Variants in F5 observed in about 807,000 individuals in gnomAD.
The protein encoded by F5 is coagulation factor V.
F5 carries 138 observed loss-of-function variants against 216.4 expected under a neutral mutation model. The observed-to-expected ratio is 0.64, with a 90% CI of 0.56 to 0.73. The LOEUF (loss-of-function observed/expected upper bound fraction) is 0.73, where lower values mean the gene tolerates loss of function less well. Among genes scored for constraint, F5 ranks in the 30% least tolerant of loss-of-function variants. F5 has a pLI of 0.00. For missense variants in F5, 2,403 were observed against 2,674.0 expected, an observed-to-expected ratio of 0.90 and a Z score of 2.24; for synonymous variants, 916 against 930.7, an observed-to-expected ratio of 0.98 and a Z score of 0.29.
rs1660452947 is a variant in F5, at chr1:169,560,589, G to A, written c.551C>T (p.Ser184Leu). 3.7e-6 allele frequency: 6 copies of A among 1,613,710 alleles called. No individual in the cohort carries two copies. The highest frequency in any genetic ancestry group is 4.2e-6 in the Non-Finnish European group (5 of 1,179,752). ...GATAAGCAGGGGCCCAATCAGCCCCGAGTTGAAATCCTCGATCAGATTTTC... is the reference window on the plus strand; with the variant it reads ...GATAAGCAGGGGCCCAATCAGCCCCAAGTTGAAATCCTCGATCAGATTTTC... ...SHENLIEDFN[S>L]GLIGPLLICK... The change falls in exon 4 of 25, where the codon TCG becomes TTG. Residue 184 changes from serine (S) to leucine (L), a missense_variant. Transcript: ENST00000367797.
intron 3 of F5, among the ~76,000 whole-genome samples, 161 bp from the exon 4 acceptor site, chr1:169,560,927 A>G (rs1660467848): frequency 6.6e-6 from 1 of 152,156 alleles, no homozygotes; most frequent in Non-Finnish European, 1.5e-5. Context: ...GCCCATTTCT[A>G]TGCTCATGTA....
intron 4 of F5, among the ~76,000 whole-genome samples, chr1:169,559,956 C>T (rs1287114954): frequency 6.6e-6 from 1 of 152,090 alleles, no homozygotes; most frequent in African/African-American, 2.4e-5. Flanking sequence ...CTGTGGCTCA[C>T]TGTGGTTGTT....
At chr1:169,552,117 G>A (rs1660185698) in intron 8 of F5, among the ~76,000 whole-genome samples, 1 of 152,070 alleles carries the variant, frequency 6.6e-6, no homozygotes, top group Admixed American at 6.5e-5. Flanking sequence ...ACTCTCTTTT[G>A]TAGAACTCAT....
Position 169,556,688 on chromosome 1 carries a change from C to T in F5, c.910G>A (p.Gly304Arg), listed in dbSNP as rs747353298. The T allele has an allele frequency of 5.0e-6, 8 of 1,613,846 alleles. No individual in the cohort carries two copies. Among genetic ancestry groups the T allele is most frequent in the Middle Eastern group, 1.6e-4 (1 of 6,084 alleles). ...GTGAGAGAAGATATGATCCACTTTCCCTCTGGGCCCACAGTCATATTTGCG... is the reference window on the plus strand; with the variant it reads ...GTGAGAGAAGATATGATCCACTTTCTCTCTGGGCCCACAGTCATATTTGCG... ...TTANMTVGPE[G>R]KWIISSLTPK... The change falls in exon 6 of 25, where the codon GGA (glycine) becomes AGA (arginine). Residue 304 changes from glycine to arginine, a missense_variant. Gly to Arg is a moderately radical substitution (Grantham distance 125). This residue lies in a region of F5 where 1,425 missense variants were observed against 1,554.8 expected (regional missense o/e 0.92). Transcript: ENST00000367797.
In F5 at chr1:169,540,757, T is replaced by A. The variant is rs200204656; in HGVS notation, c.4333A>T (p.Thr1445Ser). 2.5e-6 allele frequency: 4 copies of A among 1,614,008 alleles called. No individual in the cohort carries two copies. The highest frequency in any genetic ancestry group is 3.4e-6 in the Non-Finnish European group (4 of 1,179,980). The change falls in exon 13 of 25, where the codon ACC (threonine) becomes TCC (serine). Residue 1445 changes from threonine to serine, a missense_variant. By Grantham distance (58) the Thr-to-Ser change is moderately conservative (BLOSUM62 1). This residue lies in a region of F5 where 293 missense variants were observed against 270.8 expected (regional missense o/e 1.08). Coordinates refer to ENST00000367797, the MANE Select transcript of F5 (RefSeq NM_000130.5). The part of the protein sequence containing the change: ...QVTLSPDISD[T>S]TLLPDLSQIS... ...TGGCTGAGATCCGGGAGAAGGGTGGTGTCACTGATGTCTGGAGAGAGAGTC... is the reference window on the plus strand; with the variant it reads ...TGGCTGAGATCCGGGAGAAGGGTGGAGTCACTGATGTCTGGAGAGAGAGTC...
chr1:169,542,375 C>T lies in F5; in HGVS notation c.2715G>A (p.Arg905=), dbSNP rs758346192. The T allele has an allele frequency of 1.3e-5, 21 of 1,614,010 alleles. No homozygotes were observed. In the South Asian group the frequency reaches 2.2e-4, roughly 17 times the overall value. Residue 905 remains arginine (R), a synonymous_variant, in exon 13 of 25, where the codon AGG becomes AGA. Coordinates refer to ENST00000367797, the MANE Select transcript of F5 (RefSeq NM_000130.5). The part of the protein sequence containing the change: ...SQDTGSPSGM[R]PWEDLPSQDT... ...CTTGGCTAGGAAGGTCCTCCCAGGGCCTCATTCCGGAAGGAGAACCAGTGT... is the reference window on the plus strand; with the variant it reads ...CTTGGCTAGGAAGGTCCTCCCAGGGTCTCATTCCGGAAGGAGAACCAGTGT...
At chr1:169,546,979 A>AAAAAAG (rs1553220680) in intron 10 of F5, among the ~76,000 whole-genome samples, 1 of 77,816 alleles carries the variant, frequency 1.3e-5, no homozygotes, top group African/African-American at 5.0e-5. Flanking sequence ...AAAAAAAAAA[A>AAAAAAG]AAAAGAAAAG....
chr1:169,577,587 A>G lies in F5; in HGVS notation c.250+4844T>C, dbSNP rs933878188. Among the ~76,000 whole-genome samples, 5 of 112,914 alleles carry G rather than the reference A, an allele frequency of 4.4e-5. No individual in the cohort carries two copies. The East Asian group carries it at 9.0e-4, about 20-fold the overall frequency. The allele number at this position is 112,914 out of a possible 152,430, so 74.1% of individuals were successfully genotyped here. On this transcript the variant is annotated intron_variant, in intron 2 of 24. Transcript: ENST00000367797. ...TATATATATATATATATATATATAT[A>G]TATATATATATATATATGTATGTAT...
At chr1:169,578,562 C>T (rs574955655) in intron 2 of F5, among the ~76,000 whole-genome samples, 23 of 152,298 alleles carry the variant, frequency 1.5e-4, no homozygotes, top group African/African-American at 5.1e-4. Flanking sequence ...AAAAGGTACA[C>T]CTTCAAATAC....
intron 11 of F5, among the ~76,000 whole-genome samples, chr1:169,545,448 A>C (rs1426272060): frequency 1.3e-5 from 2 of 152,238 alleles, no homozygotes; most frequent in Non-Finnish European, 2.9e-5. Flanking sequence ...TATTCAGGAT[A>C]TACTGAGTTA....
intron 1 of F5, among the ~76,000 whole-genome samples, chr1:169,585,236 C>T (rs916305760): frequency 1.3e-5 from 2 of 151,966 alleles, no homozygotes; most frequent in Non-Finnish European, 2.9e-5. Flanking sequence ...TATGTAATAC[C>T]CTCCAAAATA....
Position 169,560,920 on chromosome 1 carries a change from C to T in F5, c.374-154G>A, listed in dbSNP as rs540805191. Among the ~76,000 whole-genome samples, 3 of 152,212 alleles carry T rather than the reference C, an allele frequency of 2.0e-5. No homozygotes were observed. The East Asian group carries it at 5.8e-4, about 29-fold the overall frequency. ...TTATTTGGAAAGATTCACATATGCC[C>T]ATTTCTATGCTCATGTACTTACAAA... On this transcript the variant is annotated intron_variant, in intron 3 of 24. Coordinates refer to ENST00000367797, the MANE Select transcript of F5 (RefSeq NM_000130.5).
Position 169,542,882 on chromosome 1 carries a change from G to A in F5, c.2208C>T (p.Ile736=), listed in dbSNP as rs6016. 0.27 allele frequency: 434,401 copies of A among 1,613,338 alleles called. 60,137 individuals carry two copies. Among genetic ancestry groups the A allele is most frequent in the Admixed American group, 0.39 (23,495 of 59,982 alleles). ...YQNRLAAALG[I]RSFRNSSLNQ... is the part of the protein sequence containing the mutation. ...TCAATGATGAGTTTCGGAATGACCT[G>A]ATTCCTAATGCTGCAGCCAGTCTGT... The change falls in exon 13 of 25, where the codon ATC becomes ATT. Residue 736 remains isoleucine, a synonymous_variant. Coordinates refer to ENST00000367797, the MANE Select transcript of F5 (RefSeq NM_000130.5).
intron 2 of F5, among the ~76,000 whole-genome samples, chr1:169,581,967 A>G (rs1359422493): frequency 6.6e-6 from 1 of 152,220 alleles, no homozygotes; most frequent in African/African-American, 2.4e-5. Context: ...AAACTAGACC[A>G]TAATCTCCAT....
In F5 at chr1:169,552,661, G is replaced by C. The variant is rs1221031088; in HGVS notation, c.1192C>G (p.Gln398Glu). 1 of 1,612,308 alleles carries C rather than the reference G, an allele frequency of 6.2e-7. No homozygotes were observed. Among genetic ancestry groups the C allele is most frequent in the Non-Finnish European group, 8.5e-7 (1 of 1,178,682 alleles). Residue 398 changes from glutamine to glutamate, a missense_variant, in exon 8 of 25, where the codon CAG (glutamine) becomes GAG (glutamate). This residue lies in a region of F5 where 1,425 missense variants were observed against 1,554.8 expected (regional missense o/e 0.92). Coordinates refer to ENST00000367797, the MANE Select transcript of F5 (RefSeq NM_000130.5). ...TTGGTGAAGGACTCATCTTCGTACTGTGTGTACATAACTTTCTTATAATGT... is the reference window on the plus strand; with the variant it reads ...TTGGTGAAGGACTCATCTTCGTACTCTGTGTACATAACTTTCTTATAATGT... The part of the protein sequence containing the change: ...GKHYKKVMYT[Q>E]YEDESFTKHT...
At position 169,513,267 on chromosome 1, in the gene F5, T is replaced by C. The variant is rs1221177806; in HGVS notation, c.*1046A>G. On this transcript the variant is annotated 3_prime_UTR_variant, in exon 25 of 25. Coordinates refer to ENST00000367797, the MANE Select transcript of F5 (RefSeq NM_000130.5). ...CACATAAATTTTTTTTGGTTGCTCT[T>C]TTAACACTAAGTTTTGGGGTGGTTT... Among the ~76,000 whole-genome samples the C allele has an allele frequency of 6.6e-6, 1 of 152,102 alleles. No individual in the cohort carries two copies. The highest frequency in any genetic ancestry group is 1.5e-5 in the Non-Finnish European group (1 of 67,982).
chr1:169,533,105 T>C (rs551836873), intron 14 of F5, among the ~76,000 whole-genome samples: 4 of 151,466 alleles, frequency 2.6e-5, no homozygotes, highest in African/African-American at 9.7e-5. Context: ...TTTGACAAAG[T>C]CAACAACAAC....
chr1:169,567,879 A>G (rs569425846), intron 3 of F5, among the ~76,000 whole-genome samples: 1 of 152,256 alleles, frequency 6.6e-6, no homozygotes, highest in African/African-American at 2.4e-5. Flanking sequence ...CTACAATTAG[A>G]ACACACTGTC....
intron 3 of F5, among the ~76,000 whole-genome samples, chr1:169,570,104 C>A (rs1397772044): frequency 6.6e-6 from 1 of 152,064 alleles, no homozygotes; most frequent in African/African-American, 2.4e-5. Context: ...ATTTACCTTT[C>A]TTAGATTCAT....
Sources: gnomAD v4.1 joint callset for allele counts (sites outside exome capture counted in the v4.1 genomes callset) on GRCh38, gnomAD v4.1.1 for gene constraint, gnomAD v4.1.1 regional missense constraint, MANE v1.5 for transcripts, NCBI Gene and HGNC (gene_info 2026-07-23, HGNC 2026-07-21) for gene names.